The following LECT2 variants were observed in gnomAD, a reference collection of about 807,000 sequenced individuals.
The protein encoded by LECT2 is leukocyte cell derived chemotaxin 2.
In LECT2, 11 loss-of-function variants were observed where a neutral mutation model predicts 16.6. The ratio of observed to expected loss-of-function variants is 0.66; its 90% CI spans 0.42 to 1.09. The LOEUF is 1.09. Ranked by LOEUF, LECT2 falls within the 50% of genes least tolerant of loss-of-function variation. The pLI, the probability that LECT2 is intolerant of heterozygous loss-of-function variation, is 0.00. For synonymous variants in LECT2, 54 were observed against 64.8 expected, an observed-to-expected ratio of 0.83 and a Z score of 0.80; for missense variants, 173 against 184.2, an observed-to-expected ratio of 0.94 and a Z score of 0.35.
At chr5:135,948,242 A>G (rs917745261) in intron 3 of LECT2, among the ~76,000 whole-genome samples, 1 of 152,218 alleles carries the variant, frequency 6.6e-6, no homozygotes, top group African/African-American at 2.4e-5. Context: ...ATGAAGATAT[A>G]ACAGTTACAA....
chr5:135,948,970 C>T (rs1264992054), intron 3 of LECT2, among the ~76,000 whole-genome samples: 1 of 152,148 alleles, frequency 6.6e-6, no homozygotes, highest in Non-Finnish European at 1.5e-5. Flanking sequence ...CCACCGTGCC[C>T]AGCCGAAAAT....
At chr5:135,947,652 A>G (rs543799890) in intron 3 of LECT2, among the ~76,000 whole-genome samples, 155 bp from the exon 4 acceptor site, 2 of 152,252 alleles carry the variant, frequency 1.3e-5, no homozygotes, top group Admixed American at 1.3e-4. Context: ...AAAAAGGAAG[A>G]CTAAATTACA....
At chr5:135,954,650 C>A in intron 1 of LECT2, 138 bp downstream of exon 1, 1 of 646,014 alleles carries the variant, frequency 1.5e-6, no homozygotes, top group Non-Finnish European at 2.8e-6. Context: ...ATGTGTCATT[C>A]CTATTTCATT....
At position 135,952,969 on chromosome 5, in the gene LECT2, T is replaced by A; in HGVS notation, c.47-2A>T. The A allele has an allele frequency of 6.2e-7, 1 of 1,609,380 alleles. No homozygotes were observed. The highest frequency in any genetic ancestry group is 8.5e-7 in the Non-Finnish European group (1 of 1,175,654). ...TATTAGCCCATGGCCCTGCCAGTGCTAAAAAGGAGAAAAGTGAGAGCAGAG... is the reference window on the plus strand; with the variant it reads ...TATTAGCCCATGGCCCTGCCAGTGCAAAAAAGGAGAAAAGTGAGAGCAGAG... On this transcript the variant is annotated splice_acceptor_variant, in intron 1 of 3. Coordinates refer to ENST00000274507, the MANE Select transcript of LECT2 (RefSeq NM_002302.3). LOFTEE classifies it high-confidence loss of function.
Position 135,954,800 on chromosome 5 carries a change from G to A in LECT2, c.34C>T (p.Leu12=). 6.2e-7 allele frequency: 1 copy of A among 1,613,110 alleles called. No individual in the cohort carries two copies. Among genetic ancestry groups the A allele is most frequent in the East Asian group, 2.2e-5 (1 of 44,856 alleles). The change falls in exon 1 of 4, where the codon CTG becomes TTG. Residue 12 remains leucine (L), a synonymous_variant. Transcript: ENST00000274507. Reference sequence around the variant, plus strand: ...ACTTTCGACTTACCGGTAGAAATCAGACCAGCCAAAAGGAGGGCTTTGGTG... The same window carrying A: ...ACTTTCGACTTACCGGTAGAAATCAAACCAGCCAAAAGGAGGGCTTTGGTG... ...FSTKALLLAG[L]ISTALAGPWA... is the part of the protein sequence containing the mutation.
Position 135,947,421 on chromosome 5 carries a change from A to C in LECT2, c.366T>G (p.Thr122=), listed in dbSNP as rs762534578. 12 of 1,613,996 alleles carry C rather than the reference A, an allele frequency of 7.4e-6. No individual in the cohort carries two copies. In the Admixed American group the frequency reaches 1.7e-4, roughly 22 times the overall value. Residue 122 remains threonine (T), a synonymous_variant, in exon 4 of 4, where the codon ACT becomes ACG. Coordinates refer to ENST00000274507, the MANE Select transcript of LECT2 (RefSeq NM_002302.3). ...GATAAACTTTCTGCAAGGGCAATAGAGTTCCAAGTTTTTCTCCCTTCTTAA... is the reference window on the plus strand; with the variant it reads ...GATAAACTTTCTGCAAGGGCAATAGCGTTCCAAGTTTTTCTCCCTTCTTAA... ...GPIKKGEKLG[T]LLPLQKVYPG...
Position 135,954,666 on chromosome 5 carries a change from T to G in LECT2, c.46+122A>C, listed in dbSNP as rs1763837400. The G allele has an allele frequency of 7.3e-6, 5 of 688,038 alleles. No individual in the cohort carries two copies. In the East Asian group the frequency reaches 1.3e-4, roughly 18 times the overall value. The allele number at this position is 688,038 out of a possible 1,614,324, so 42.6% of individuals were successfully genotyped here. On this transcript the variant is annotated intron_variant, in intron 1 of 3. Coordinates refer to ENST00000274507, the MANE Select transcript of LECT2 (RefSeq NM_002302.3). The stretch of plus-strand genomic sequence containing the variant: ...TGTGTCATTCCTATTTCATTTTTAA[T>G]AGCCAAATACACAAGTCTTTGTTGT...
In LECT2 at chr5:135,947,356, G is replaced by A; in HGVS notation, c.431C>T (p.Ser144Leu). Residue 144 changes from serine (S) to leucine (L), a missense_variant, in exon 4 of 4, where the codon TCG becomes TTG. Ser to Leu is a moderately radical substitution (Grantham distance 145). Transcript: ENST00000274507. ...QSHVHIENCD[S>L]SDPTAYL ...TTACAGGTATGCAGTAGGGTCACTC[G>A]AGTCACAGTTTTCAATGTGCACATG... The A allele has an allele frequency of 1.2e-6, 2 of 1,613,920 alleles. No individual in the cohort carries two copies. The highest frequency in any genetic ancestry group is 1.1e-5 in the South Asian group (1 of 91,072).
intron 3 of LECT2, among the ~76,000 whole-genome samples, chr5:135,948,174 C>T (rs1006551281): frequency 2.0e-5 from 3 of 152,086 alleles, no homozygotes; most frequent in African/African-American, 7.2e-5. Flanking sequence ...GGAAATCAGG[C>T]CAAAAGGCAT....
At chr5:135,950,117 A>T (rs1009740905) in intron 3 of LECT2, among the ~76,000 whole-genome samples, 15 of 152,116 alleles carry the variant, frequency 9.9e-5, no homozygotes, top group African/African-American at 3.6e-4. Flanking sequence ...CTCTGGACTC[A>T]CTCCCAATAG....
At chr5:135,953,699 T>C (rs1463165748) in intron 1 of LECT2, among the ~76,000 whole-genome samples, 2 of 152,194 alleles carry the variant, frequency 1.3e-5, no homozygotes, top group African/African-American at 2.4e-5. Flanking sequence ...AATGGTTAGT[T>C]CCACTAATCA....
chr5:135,948,047 AAC>A (rs2126875197), intron 3 of LECT2, among the ~76,000 whole-genome samples: 1 of 152,352 alleles, frequency 6.6e-6, no homozygotes, highest in African/African-American at 2.4e-5. Flanking sequence ...TATGGAATAA[AAC>A]ACAGCGATTG....
chr5:135,951,594 A>T, intron 2 of LECT2: 1 of 470,908 alleles, frequency 2.1e-6, no homozygotes, highest in Non-Finnish European at 3.8e-6. Context: ...TTAAAATGGT[A>T]CTTGGTACAT....
Position 135,951,249 on chromosome 5 carries a change from T to C in LECT2, c.263A>G (p.Asn88Ser). 6.2e-7 allele frequency: 1 copy of C among 1,614,224 alleles called. No individual in the cohort carries two copies. The highest frequency in any genetic ancestry group is 8.5e-7 in the Non-Finnish European group (1 of 1,180,030). ...TCTTCCAGATATTCGAACACCATTA[T>C]TGATAGCATTCTTGTTTTGATAAGG... ...EKPYQNKNAI[N>S]NGVRISGRGF... The change falls in exon 3 of 4, where the codon AAT (asparagine) becomes AGT (serine). Residue 88 changes from asparagine (N) to serine (S), a missense_variant. Transcript: ENST00000274507.
At chr5:135,948,914 A>T (rs1357378139) in intron 3 of LECT2, among the ~76,000 whole-genome samples, 1 of 152,088 alleles carries the variant, frequency 6.6e-6, no homozygotes, top group African/African-American at 2.4e-5. Flanking sequence ...TGACCTCGTG[A>T]TCCATCCACC....
rs1211672112 is a variant in LECT2, at chr5:135,952,938, C to A, written c.76G>T (p.Ala26Ser). ...ALAGPWANIC[A>S]GKSSNEIRTC... is the part of the protein sequence containing the mutation. The stretch of plus-strand genomic sequence containing the variant: ...CGGATCTCATTGGAAGACTTGCCAG[C>A]ACATATATTAGCCCATGGCCCTGCC... Residue 26 changes from alanine (A) to serine (S), a missense_variant, in exon 2 of 4, where the codon GCT (alanine) becomes TCT (serine). Coordinates refer to ENST00000274507, the MANE Select transcript of LECT2 (RefSeq NM_002302.3). The A allele has an allele frequency of 1.2e-6, 2 of 1,614,070 alleles. No individual in the cohort carries two copies. The highest frequency in any genetic ancestry group is 1.7e-6 in the Non-Finnish European group (2 of 1,179,908).
intron 2 of LECT2, among the ~76,000 whole-genome samples, chr5:135,951,976 C>G (rs1763802469): frequency 6.6e-6 from 1 of 152,208 alleles, no homozygotes. Flanking sequence ...ACTATGCCTG[C>G]TCTCACCAGC....
At position 135,951,311 on chromosome 5, in the gene LECT2, G is replaced by A. The variant is rs138349831; in HGVS notation, c.201C>T (p.Tyr67=). 3.0e-5 allele frequency: 49 copies of A among 1,613,524 alleles called. No individual in the cohort carries two copies. The Middle Eastern group carries it at 6.6e-4, about 22-fold the overall frequency. ...DILCSAGSTV[Y]APFTGMIVGQ... ...CCACAATCATTCCAGTGAATGGTGC[G>A]TACACAGTAGATCCAGCAGAGCACA... Residue 67 remains tyrosine (Y), a synonymous_variant, in exon 3 of 4, where the codon TAC becomes TAT. Transcript: ENST00000274507.
chr5:135,953,835 G>A (rs1763826786), intron 1 of LECT2, among the ~76,000 whole-genome samples: 2 of 152,152 alleles, frequency 1.3e-5, no homozygotes, highest in South Asian at 4.1e-4. Flanking sequence ...AATCTGAAAT[G>A]TCAAACCAAT....
Sources: gnomAD v4.1 joint callset for allele counts (sites outside exome capture counted in the v4.1 genomes callset) on GRCh38, gnomAD v4.1.1 for gene constraint, MANE v1.5 for transcripts, NCBI Gene and HGNC (gene_info 2026-07-23, HGNC 2026-07-21) for gene names.